KLF12: variants seen among roughly 807,000 people sequenced by gnomAD.
The protein encoded by KLF12 is Krueppel-like factor 12.
In KLF12, 9 loss-of-function variants were observed where a neutral mutation model predicts 37.8. That is an observed-to-expected ratio of 0.24 (90% CI 0.14 to 0.42). The LOEUF (loss-of-function observed/expected upper bound fraction) is 0.42, where lower values mean the gene tolerates loss of function less well. KLF12 is among the 10% of genes least tolerant of loss of function. KLF12 has a pLI of 1.00. For synonymous variants in KLF12, 208 were observed against 202.1 expected, an observed-to-expected ratio of 1.03 and a Z score of -0.25; for missense variants, 411 against 516.0, an observed-to-expected ratio of 0.80 and a Z score of 1.97.
the KLF12 span, among the ~76,000 whole-genome samples, chr13:74,283,933 C>T: frequency 6.6e-6 from 1 of 150,724 alleles, no homozygotes; most frequent in African/African-American, 2.4e-5. Context: ...GATCTCGGCT[C>T]ACTGCAAGCT....
the KLF12 span, among the ~76,000 whole-genome samples, chr13:74,180,999 C>A: frequency 2.0e-5 from 3 of 151,954 alleles, no homozygotes; most frequent in South Asian, 6.2e-4. Flanking sequence ...TGGAAAATAT[C>A]TTTTTCTTTT....
At chr13:74,006,879 T>G (rs181958705) in intron 1 of KLF12, among the ~76,000 whole-genome samples, 201 of 152,330 alleles carry the variant, frequency 1.3e-3, no homozygotes, top group Admixed American at 2.8e-3. Flanking sequence ...ATCTCTAGTC[T>G]CTGCTCTTTC....
intron 1 of KLF12, among the ~76,000 whole-genome samples, chr13:74,067,112 C>A (rs1321220646): frequency 6.6e-6 from 1 of 152,114 alleles, no homozygotes; most frequent in Non-Finnish European, 1.5e-5. Context: ...AGGTCAAGTA[C>A]AAACTAATAA....
At chr13:74,258,917 GA>G in the KLF12 span, 2 of 152,258 alleles carry the variant, frequency 1.3e-5, no homozygotes, top group Admixed American at 6.5e-5. Flanking sequence ...AAAGCTAATA[GA>G]AGGTCCCGGT....
chr13:73,985,156 A>G (rs370542757), intron 2 of KLF12, among the ~76,000 whole-genome samples: 1 of 152,234 alleles, frequency 6.6e-6, no homozygotes, highest in Non-Finnish European at 1.5e-5. Flanking sequence ...GAGAGTCTTC[A>G]TGATTGCAGT....
intron 3 of KLF12, among the ~76,000 whole-genome samples, chr13:73,899,618 A>G (rs1213935614): frequency 6.6e-6 from 1 of 152,146 alleles, no homozygotes; most frequent in Non-Finnish European, 1.5e-5. Context: ...CTGAGAAGGA[A>G]GATCCGCACT....
At chr13:73,775,227 T>C (rs1246398081) in intron 5 of KLF12, among the ~76,000 whole-genome samples, 1 of 152,158 alleles carries the variant, frequency 6.6e-6, no homozygotes, top group East Asian at 1.9e-4. Flanking sequence ...CTATCACTCT[T>C]TTTTCAAAGT....
At chr13:74,200,317 A>C in the KLF12 span, among the ~76,000 whole-genome samples, 3 of 152,096 alleles carry the variant, frequency 2.0e-5, no homozygotes, top group Non-Finnish European at 4.4e-5. Flanking sequence ...GGAGAGAAAA[A>C]GCTATATGTT....
In KLF12 at chr13:73,988,704, A is replaced by G. The variant is rs1891889627; in HGVS notation, c.33+6286T>C. On this transcript the variant is annotated intron_variant, in intron 2 of 7. Transcript: ENST00000377669. ...CTGCCATATAAGAAGAACACCTGGT[A>G]CCCATCCCAGCATGCTCTTCAGTCA... 2.6e-5 allele frequency among the ~76,000 whole-genome samples: 4 copies of G among 152,216 alleles called. No individual in the cohort carries two copies. In the East Asian group the frequency reaches 7.7e-4, roughly 29 times the overall value.
chr13:73,858,502 G>A (rs930456608), intron 3 of KLF12, among the ~76,000 whole-genome samples: 2 of 152,136 alleles, frequency 1.3e-5, no homozygotes, highest in Admixed American at 6.5e-5. Context: ...TTTACTGGGC[G>A]AAGAATTTCA....
intron 2 of KLF12, among the ~76,000 whole-genome samples, chr13:73,952,626 C>T (rs1042768933): frequency 1.6e-4 from 24 of 152,130 alleles, no homozygotes; most frequent in African/African-American, 5.6e-4. Flanking sequence ...TTCTGTAATG[C>T]CTGTTGGGTG....
At chr13:73,738,960 C>A (rs1311958591) in intron 6 of KLF12, among the ~76,000 whole-genome samples, 1 of 152,064 alleles carries the variant, frequency 6.6e-6, no homozygotes, top group African/African-American at 2.4e-5. Flanking sequence ...CTTGGCTGGG[C>A]GTAGTGGCTC....
chr13:73,824,973 G>A (rs1383746782), intron 4 of KLF12, among the ~76,000 whole-genome samples: 3 of 152,010 alleles, frequency 2.0e-5, no homozygotes, highest in African/African-American at 7.2e-5. Flanking sequence ...GGAGGCTGAA[G>A]TAGGAGAATC....
chr13:74,080,273 C>CA (rs1180738957), intron 1 of KLF12, among the ~76,000 whole-genome samples: 23 of 142,632 alleles, frequency 1.6e-4, no homozygotes, highest in African/African-American at 3.3e-4. Context: ...TCCATTTCTA[C>CA]AAAAAAAAGT....
the KLF12 span, among the ~76,000 whole-genome samples, chr13:74,276,149 C>G: frequency 2.1e-4 from 32 of 151,954 alleles, 1 homozygote; most frequent in South Asian, 4.4e-3. Context: ...CCCCAACAGG[C>G]CCCAGTGTGT....
At position 73,925,705 on chromosome 13, in the gene KLF12, C is replaced by T. The variant is rs565714050; in HGVS notation, c.123+18276G>A. On this transcript the variant is annotated intron_variant, in intron 3 of 7. Coordinates refer to ENST00000377669, the MANE Select transcript of KLF12 (RefSeq NM_007249.5). ...GATAATGATTACTTTGATGGACGTA[C>T]ACAAAGTAAATTGATAACTTTCTGG... 1.6e-4 allele frequency among the ~76,000 whole-genome samples: 24 copies of T among 152,278 alleles called. 1 individual carries two copies. The South Asian group carries it at 4.8e-3, about 30-fold the overall frequency.
At chr13:74,135,945 T>C (rs1878540830), upstream of KLF12, among the ~76,000 whole-genome samples, 1 of 152,144 alleles carries the variant, frequency 6.6e-6, no homozygotes, top group Non-Finnish European at 1.5e-5. Context: ...GCGTTCCTAA[T>C]GACAACAAAG....
At chr13:73,860,837 T>C (rs1246728624) in intron 3 of KLF12, among the ~76,000 whole-genome samples, 1 of 152,236 alleles carries the variant, frequency 6.6e-6, no homozygotes, top group Non-Finnish European at 1.5e-5. Flanking sequence ...CAGTGCCTCA[T>C]TCTTTTGTTA....
chr13:74,253,026 TCTGTCTATCTAC>T, the KLF12 span, among the ~76,000 whole-genome samples: 2 of 75,798 alleles, frequency 2.6e-5, no homozygotes, highest in African/African-American at 6.4e-4. Flanking sequence ...TATCTATCTG[TCTGTCTATCTAC>T]CTATCTATCT....
Sources: allele counts gnomAD v4.1 joint callset (sites outside exome capture counted in the v4.1 genomes callset), GRCh38; gene constraint gnomAD v4.1.1; transcripts MANE v1.5; gene names NCBI Gene and HGNC (gene_info 2026-07-23, HGNC 2026-07-21).